AUTS2: variants seen among roughly 807,000 people sequenced by gnomAD.
AUTS2 encodes the protein autism susceptibility gene 2 protein.
A neutral mutation model predicts 112.4 loss-of-function variants in AUTS2; 17 were observed. The ratio of observed to expected loss-of-function variants is 0.15; its 90% confidence interval spans 0.10 to 0.23. The LOEUF (loss-of-function observed/expected upper bound fraction) is 0.23. Ranked by LOEUF, AUTS2 falls within the 10% of genes least tolerant of loss-of-function variation. The probability of loss-of-function intolerance (pLI) is 1.00; values close to 1 mark genes in which losing one functional copy is unlikely to be tolerated. For synonymous variants in AUTS2, 751 were observed against 702.7 expected (o/e 1.07, Z -1.09); for missense variants, 1,510 against 1,701.6 (o/e 0.89, Z 1.98).
At chr7:69,617,119 A>C (rs1302774292) in intron 1 of AUTS2, among the ~76,000 whole-genome samples, 1 of 152,196 alleles carries the variant, frequency 6.6e-6, no homozygotes, top group East Asian at 1.9e-4. Flanking sequence ...AGGGTAAAGC[A>C]AGAGTGAGAA....
chr7:70,179,713 T>C lies in AUTS2; in HGVS notation c.660+45142T>C, dbSNP rs111990652. 8.2e-3 allele frequency among the ~76,000 whole-genome samples: 1,249 copies of C among 152,310 alleles called. 25 individuals are homozygous for C. The highest frequency in any genetic ancestry group is 0.028 in the African/African-American group (1,182 of 41,568). On this transcript the variant is annotated intron_variant, in intron 4 of 18. Transcript: ENST00000342771. ...TGATCTCTAAGGTTAGTATAAATTT[T>C]CTGATCTAGAGGGAATTATAGGACT...
chr7:70,660,763 A>T (rs11767503), intron 5 of AUTS2, among the ~76,000 whole-genome samples: 28,486 of 152,194 alleles, frequency 0.19, 2,998 homozygotes, highest in Middle Eastern at 0.27. Context: ...GGGCTTTGTC[A>T]TGCTATCGTT....
At chr7:70,645,243 A>G (rs187370903) in intron 5 of AUTS2, among the ~76,000 whole-genome samples, 2,819 of 18,328 alleles carry the variant, frequency 0.15, 32 homozygotes, top group Middle Eastern at 0.19. Flanking sequence ...ACCTCCCCTC[A>G]TTCATTAGGA....
At chr7:69,791,022 GTTT>G (rs1789587248) in intron 1 of AUTS2, among the ~76,000 whole-genome samples, 1 of 152,162 alleles carries the variant, frequency 6.6e-6, no homozygotes, top group South Asian at 2.1e-4. Flanking sequence ...ACCTACCCCA[GTTT>G]TCTCATGCTG....
intron 2 of AUTS2, among the ~76,000 whole-genome samples, chr7:69,920,153 G>T (rs1795750088): frequency 2.0e-5 from 3 of 151,926 alleles, no homozygotes; most frequent in Admixed American, 1.3e-4. Context: ...ATAGAAATTT[G>T]ATTGTTATGG....
At chr7:69,853,088 A>T (rs1792561352) in intron 1 of AUTS2, among the ~76,000 whole-genome samples, 1 of 151,324 alleles carries the variant, frequency 6.6e-6, no homozygotes, top group South Asian at 2.1e-4. Flanking sequence ...GAGGTCATTT[A>T]AAAAAAAATG....
chr7:70,360,115 G>A (rs941524667), intron 4 of AUTS2, among the ~76,000 whole-genome samples: 1 of 152,122 alleles, frequency 6.6e-6, no homozygotes, highest in African/African-American at 2.4e-5. Context: ...GGCTTTGAAA[G>A]GAAAAAATAA....
chr7:70,764,469 C>T (rs1789779026), intron 7 of AUTS2, among the ~76,000 whole-genome samples: 1 of 151,982 alleles, frequency 6.6e-6, no homozygotes, highest in Non-Finnish European at 1.5e-5. Flanking sequence ...GCCACAGGAG[C>T]GAGAGAGGCC....
At chr7:69,862,089 T>C (rs1793011921) in intron 1 of AUTS2, among the ~76,000 whole-genome samples, 1 of 152,262 alleles carries the variant, frequency 6.6e-6, no homozygotes, top group South Asian at 2.1e-4. Flanking sequence ...AAGGACACTC[T>C]AGTTTCTTAA....
intron 1 of AUTS2, among the ~76,000 whole-genome samples, chr7:69,821,342 A>G (rs1255580306): frequency 6.6e-6 from 1 of 152,152 alleles, no homozygotes; most frequent in Non-Finnish European, 1.5e-5. Flanking sequence ...AGGATTGTAA[A>G]TGCACCAATC....
chr7:69,951,807 T>C (rs1212053395), intron 2 of AUTS2, among the ~76,000 whole-genome samples: 1 of 152,062 alleles, frequency 6.6e-6, no homozygotes, highest in Non-Finnish European at 1.5e-5. Flanking sequence ...ACTATTGATA[T>C]AAGAAAAAAG....
intron 1 of AUTS2, among the ~76,000 whole-genome samples, chr7:69,874,606 G>T (rs966614338): frequency 2.0e-5 from 3 of 152,054 alleles, no homozygotes; most frequent in African/African-American, 7.2e-5. Context: ...AACAGATGGC[G>T]GAGATTAAGA....
intron 5 of AUTS2, among the ~76,000 whole-genome samples, chr7:70,550,612 T>G (rs1221844613): frequency 6.6e-6 from 1 of 152,192 alleles, no homozygotes; most frequent in Non-Finnish European, 1.5e-5. Flanking sequence ...GCCAGGCTTC[T>G]TGCTATTGGA....
At chr7:70,516,613 A>G (rs1799427580) in intron 5 of AUTS2, among the ~76,000 whole-genome samples, 1 of 152,092 alleles carries the variant, frequency 6.6e-6, no homozygotes, top group Non-Finnish European at 1.5e-5. Flanking sequence ...GATCAGAATA[A>G]CCCACCTTTC....
At chr7:70,042,039 T>G (rs917137777) in intron 2 of AUTS2, among the ~76,000 whole-genome samples, 2 of 152,158 alleles carry the variant, frequency 1.3e-5, no homozygotes, top group African/African-American at 4.8e-5. Context: ...TTGTAAGTTG[T>G]TGGTGGAGTT....
chr7:70,267,478 T>A (rs748616723), intron 4 of AUTS2, among the ~76,000 whole-genome samples: 7 of 152,192 alleles, frequency 4.6e-5, no homozygotes, highest in Non-Finnish European at 8.8e-5. Context: ...TGTTGTAGAT[T>A]CACAATGTGC....
At chr7:70,182,576 G>A (rs7796080) in intron 4 of AUTS2, among the ~76,000 whole-genome samples, 49,274 of 151,914 alleles carry the variant, frequency 0.32, 8,688 homozygotes, top group African/African-American at 0.47. Context: ...CAGCTTTGCT[G>A]TTAAAACTCT....
At chr7:70,252,552 T>C (rs1318531735) in intron 4 of AUTS2, among the ~76,000 whole-genome samples, 1 of 152,178 alleles carries the variant, frequency 6.6e-6, no homozygotes, top group Non-Finnish European at 1.5e-5. Context: ...CTGCAAGCTA[T>C]TTCTTAACTC....
chr7:70,088,836 C>T (rs551786500), intron 2 of AUTS2, among the ~76,000 whole-genome samples: 55 of 151,960 alleles, frequency 3.6e-4, no homozygotes, highest in South Asian at 2.1e-3. Flanking sequence ...TGTGAGCCAC[C>T]GCGCCTGTCC....
Sources: allele counts gnomAD v4.1 joint callset (sites outside exome capture counted in the v4.1 genomes callset), GRCh38; gene constraint gnomAD v4.1.1; transcripts MANE v1.5; gene names NCBI Gene and HGNC (gene_info 2026-07-23, HGNC 2026-07-21).